Variants in SRPK2 observed in about 807,000 individuals in gnomAD.
SRPK2 encodes the protein SRSF protein kinase 2.
A neutral mutation model predicts 90.8 loss-of-function variants in SRPK2; 21 were observed. The ratio of observed to expected loss-of-function variants is 0.23; its 90% CI spans 0.16 to 0.33. SRPK2 has a LOEUF of 0.33. Among genes scored for constraint, SRPK2 ranks in the 10% least tolerant of loss-of-function variants. SRPK2 has a pLI of 1.00. For synonymous variants in SRPK2, 288 were observed against 311.1 expected (o/e 0.93, Z 0.78); for missense variants, 620 against 869.0 (o/e 0.71, Z 3.60).
intron 1 of SRPK2, among the ~76,000 whole-genome samples, chr7:105,396,115 G>A (rs986670106): frequency 7.3e-5 from 11 of 151,656 alleles, no homozygotes; most frequent in African/African-American, 1.7e-4. Flanking sequence ...GGGTTTCTCC[G>A]TGTTGGACAG....
chr7:105,252,733 TTTC>T (rs1296793565), intron 2 of SRPK2, among the ~76,000 whole-genome samples: 2 of 123,514 alleles, frequency 1.6e-5, no homozygotes, highest in African/African-American at 7.2e-5. Context: ...TCATCTTTCT[TTTC>T]TTTTTTTTTT....
chr7:105,316,258 C>A (rs1283430422), intron 2 of SRPK2, among the ~76,000 whole-genome samples: 1 of 152,130 alleles, frequency 6.6e-6, no homozygotes, highest in Admixed American at 6.6e-5. Flanking sequence ...GCCACCGTGC[C>A]TGGCCATCTT....
upstream of SRPK2, among the ~76,000 whole-genome samples, chr7:105,390,623 T>TG (rs1329294782): frequency 6.7e-5 from 10 of 149,540 alleles, no homozygotes; most frequent in African/African-American, 2.2e-4. Flanking sequence ...TTTTTTTTTT[T>TG]TTTTTTTTTA....
intron 2 of SRPK2, among the ~76,000 whole-genome samples, chr7:105,281,668 TAA>T (rs58671941): frequency 1.3e-4 from 19 of 145,378 alleles, no homozygotes; most frequent in African/African-American, 1.0e-4. Context: ...GTTGCTAAGG[TAA>T]AAAAAAAAAA....
At chr7:105,319,427 C>T (rs1347552750) in intron 2 of SRPK2, among the ~76,000 whole-genome samples, 1 of 133,504 alleles carries the variant, frequency 7.5e-6, no homozygotes, top group East Asian at 2.2e-4. Flanking sequence ...TGAAAGCTTA[C>T]TTAAGAAACA....
chr7:105,216,574 A>C (rs1162161766), intron 2 of SRPK2, among the ~76,000 whole-genome samples: 1 of 151,608 alleles, frequency 6.6e-6, no homozygotes, highest in Non-Finnish European at 1.5e-5. Flanking sequence ...GAATCACTTT[A>C]ACTCGGGAGG....
At chr7:105,214,466 A>T (rs1054012094) in intron 2 of SRPK2, among the ~76,000 whole-genome samples, 1 of 152,192 alleles carries the variant, frequency 6.6e-6, no homozygotes, top group African/African-American at 2.4e-5. Flanking sequence ...CACCTTAGTG[A>T]TACACACACT....
intron 3 of SRPK2, among the ~76,000 whole-genome samples, chr7:105,188,779 A>T (rs1793907765): frequency 6.6e-6 from 1 of 152,248 alleles, no homozygotes; most frequent in African/African-American, 2.4e-5. Flanking sequence ...AAGAGAAAAG[A>T]TATTACTCGT....
intron 15 of SRPK2, among the ~76,000 whole-genome samples, chr7:105,124,129 C>T (rs1441265196): frequency 6.6e-6 from 1 of 152,196 alleles, no homozygotes; most frequent in African/African-American, 2.4e-5. Flanking sequence ...ACACGCAGGC[C>T]GCTCTCACTG....
Position 105,384,452 on chromosome 7 carries a change from T to C in SRPK2, c.71+4196A>G, listed in dbSNP as rs145776298. On this transcript the variant is annotated intron_variant, in intron 2 of 15. Coordinates refer to ENST00000393651, the MANE Select transcript of SRPK2 (RefSeq NM_182692.3). ...GGCTCAATTCATAAAAGCTCACAGA[T>C]TTGAAATGAACTAAAATTAATTAAA... Among the ~76,000 whole-genome samples the C allele has an allele frequency of 2.1e-3, 319 of 152,276 alleles. 2 individuals are homozygous for C. The highest frequency in any genetic ancestry group is 7.4e-3 in the African/African-American group (307 of 41,556).
At chr7:105,289,053 G>A (rs1028642166) in intron 2 of SRPK2, among the ~76,000 whole-genome samples, 2 of 143,250 alleles carry the variant, frequency 1.4e-5, no homozygotes, top group Non-Finnish European at 3.0e-5. Flanking sequence ...TCAGGAGATC[G>A]AGACCGTCTT....
intron 2 of SRPK2, among the ~76,000 whole-genome samples, chr7:105,257,953 A>G (rs1803568193): frequency 6.6e-6 from 1 of 151,918 alleles, no homozygotes; most frequent in Non-Finnish European, 1.5e-5. Flanking sequence ...TAAAAATACA[A>G]AAAGTTAGCC....
chr7:105,288,647 A>T (rs1296549299), intron 2 of SRPK2, among the ~76,000 whole-genome samples: 1 of 152,168 alleles, frequency 6.6e-6, no homozygotes, highest in Admixed American at 6.5e-5. Flanking sequence ...TTAATTAAGC[A>T]GCCCAAAAAA....
At chr7:105,143,369 T>A in intron 9 of SRPK2, 39 bp from the exon 10 acceptor site, 1 of 1,591,934 alleles carries the variant, frequency 6.3e-7, no homozygotes, top group Non-Finnish European at 8.5e-7. Context: ...ATTCTTCTTT[T>A]TAAAGCACCA....
intron 2 of SRPK2, among the ~76,000 whole-genome samples, chr7:105,312,423 G>A (rs1369113228): frequency 9.6e-6 from 1 of 104,566 alleles, no homozygotes; most frequent in Non-Finnish European, 1.8e-5. Context: ...CTAAGCAACA[G>A]AGTGAGACTC....
At chr7:105,388,546 C>T (rs1232023668) in intron 2 of SRPK2, 102 bp downstream of exon 2, 52 of 1,086,884 alleles carry the variant, frequency 4.8e-5, no homozygotes, top group Non-Finnish European at 5.9e-5. Context: ...GGGACCAGCC[C>T]GCCCGCCGGC....
intron 3 of SRPK2, among the ~76,000 whole-genome samples, chr7:105,178,664 T>G (rs1453871625): frequency 6.6e-6 from 1 of 151,690 alleles, no homozygotes; most frequent in Non-Finnish European, 1.5e-5. Context: ...ATTCCAAAAT[T>G]TAAAAAATTT....
chr7:105,280,761 C>T lies in SRPK2; in HGVS notation c.72-76976G>A, dbSNP rs937099943. 6.0e-5 allele frequency among the ~76,000 whole-genome samples: 9 copies of T among 150,158 alleles called. No individual in the cohort carries two copies. In the East Asian group the frequency reaches 1.2e-3, roughly 20 times the overall value. ...AGGAGATCAAGACCATCCAGGCTAA[C>T]ACAGTGAAACCCCGTCTCTACTAAA... On this transcript the variant is annotated intron_variant, in intron 2 of 15. Coordinates refer to ENST00000393651, the MANE Select transcript of SRPK2 (RefSeq NM_182692.3).
chr7:105,210,639 G>C (rs571324968), intron 2 of SRPK2, among the ~76,000 whole-genome samples: 15 of 152,252 alleles, frequency 9.9e-5, no homozygotes, highest in African/African-American at 3.6e-4. Context: ...TGCTTCTCTT[G>C]AGTATGGGTA....
Sources: allele counts gnomAD v4.1 joint callset (sites outside exome capture counted in the v4.1 genomes callset), GRCh38; gene constraint gnomAD v4.1.1; transcripts MANE v1.5; gene names NCBI Gene and HGNC (gene_info 2026-07-23, HGNC 2026-07-21).